The following PDE4B variants were observed in gnomAD, a reference collection of about 807,000 sequenced individuals.
The protein encoded by PDE4B is 3',5'-cyclic-AMP phosphodiesterase 4B.
A neutral mutation model predicts 82.2 loss-of-function variants in PDE4B; 20 were observed. The observed-to-expected ratio is 0.24, with a 90% confidence interval of 0.17 to 0.35. The LOEUF (loss-of-function observed/expected upper bound fraction) is 0.35. Ranked by LOEUF, PDE4B falls within the 10% of genes least tolerant of loss-of-function variation. The pLI is 1.00. For synonymous variants in PDE4B, 320 were observed against 318.9 expected (o/e 1.00, Z -0.04); for missense variants, 655 against 907.2 (o/e 0.72, Z 3.57).
At chr1:65,845,037 C>T (rs920959185) in intron 1 of PDE4B, among the ~76,000 whole-genome samples, 1 of 152,124 alleles carries the variant, frequency 6.6e-6, no homozygotes, top group South Asian at 2.1e-4. Flanking sequence ...GTTCTGCCCA[C>T]CCCCATCTGT....
intron 1 of PDE4B, among the ~76,000 whole-genome samples, chr1:65,845,768 T>C: frequency 6.6e-6 from 1 of 152,136 alleles, no homozygotes; most frequent in Non-Finnish European, 1.5e-5. Flanking sequence ...CCTGCACCCT[T>C]TATCTTTAAT....
intron 3 of PDE4B, among the ~76,000 whole-genome samples, chr1:66,228,003 T>C (rs932801900): frequency 1.3e-5 from 2 of 152,168 alleles, no homozygotes; most frequent in Admixed American, 1.3e-4. Context: ...GGTACCCCAC[T>C]CTCATTTCCT....
intron 3 of PDE4B, among the ~76,000 whole-genome samples, chr1:66,110,735 T>C (rs549550175): frequency 6.6e-6 from 1 of 152,120 alleles, no homozygotes; most frequent in Admixed American, 6.6e-5. Context: ...CGAGAATATA[T>C]ATAATGCGAT....
At chr1:66,011,106 T>C (rs971048718) in intron 3 of PDE4B, among the ~76,000 whole-genome samples, 1 of 151,938 alleles carries the variant, frequency 6.6e-6, no homozygotes, top group African/African-American at 2.4e-5. Flanking sequence ...GTTAATCCTT[T>C]TTATTGCTGA....
At chr1:65,896,657 T>C (rs1646913712) in intron 1 of PDE4B, among the ~76,000 whole-genome samples, 1 of 152,198 alleles carries the variant, frequency 6.6e-6, no homozygotes, top group South Asian at 2.1e-4. Context: ...GGCTGGATAG[T>C]AATTTGTCAG....
chr1:65,995,432 C>T (rs1378621673), intron 3 of PDE4B, among the ~76,000 whole-genome samples: 1 of 152,024 alleles, frequency 6.6e-6, no homozygotes. Context: ...CCCGGGGAAC[C>T]CCGATAAAGT....
chr1:66,320,980 T>C (rs1167909075), intron 7 of PDE4B, among the ~76,000 whole-genome samples: 2 of 152,140 alleles, frequency 1.3e-5, no homozygotes, highest in African/African-American at 4.8e-5. Context: ...TATTATACAA[T>C]CTATCTCAGC....
chr1:66,160,875 T>A (rs1296616564), intron 3 of PDE4B, among the ~76,000 whole-genome samples: 2 of 152,210 alleles, frequency 1.3e-5, no homozygotes, highest in Non-Finnish European at 2.9e-5. Context: ...CTATCAGACT[T>A]CATGATCATG....
rs931466482 is a variant in PDE4B at position 66,089,917 on chromosome 1, T to C, written c.282-157543T>C. ...TATCCACCTTATTTAAAATGCTTCA[T>C]TGGTCACACAAGATTTTATCTATTT... On this transcript the variant is annotated intron_variant, in intron 3 of 16. Transcript: ENST00000341517. Among the ~76,000 whole-genome samples the C allele has an allele frequency of 7.2e-5, 11 of 152,076 alleles. 1 individual carries two copies. The East Asian group carries it at 2.1e-3, about 29-fold the overall frequency.
intron 7 of PDE4B, among the ~76,000 whole-genome samples, chr1:66,268,433 G>C (rs961696415): frequency 1.3e-5 from 2 of 151,996 alleles, no homozygotes; most frequent in East Asian, 3.9e-4. Flanking sequence ...ACTTTGGGAG[G>C]CCAAAGCGGA....
chr1:66,050,646 C>G (rs571793565), intron 3 of PDE4B: 53 of 152,236 alleles, frequency 3.5e-4, no homozygotes, highest in African/African-American at 1.3e-3. Context: ...GCATACTTAA[C>G]AGGGCCAAGA....
intron 3 of PDE4B, among the ~76,000 whole-genome samples, chr1:65,964,520 G>A (rs12096433): frequency 0.062 from 9,479 of 152,268 alleles, 346 homozygotes; most frequent in Middle Eastern, 0.18. Context: ...AAAACTCTGT[G>A]TGTTTACAAT....
intron 3 of PDE4B, among the ~76,000 whole-genome samples, chr1:66,026,927 C>T (rs759400373): frequency 2.6e-5 from 4 of 152,220 alleles, no homozygotes; most frequent in Non-Finnish European, 5.9e-5. Context: ...TTCTACAATA[C>T]ATGGCTCAGT....
At chr1:65,907,259 A>G (rs1367877877) in intron 1 of PDE4B, among the ~76,000 whole-genome samples, 1 of 152,222 alleles carries the variant, frequency 6.6e-6, no homozygotes, top group Non-Finnish European at 1.5e-5. Flanking sequence ...AGAGAGCAGT[A>G]GATGCAAATT....
chr1:66,199,281 T>G (rs992656885), intron 3 of PDE4B, among the ~76,000 whole-genome samples: 1 of 151,768 alleles, frequency 6.6e-6, no homozygotes, highest in Non-Finnish European at 1.5e-5. Flanking sequence ...TGTTGTTTCC[T>G]GACTTTTTAA....
intron 1 of PDE4B, among the ~76,000 whole-genome samples, chr1:65,861,087 A>C (rs1395306290): frequency 6.6e-6 from 1 of 151,996 alleles, no homozygotes; most frequent in Non-Finnish European, 1.5e-5. Context: ...TTTTGTTGCA[A>C]TTGCTTTTGG....
At chr1:66,291,281 T>C (rs973838786) in intron 7 of PDE4B, among the ~76,000 whole-genome samples, 7 of 152,082 alleles carry the variant, frequency 4.6e-5, no homozygotes, top group Non-Finnish European at 2.9e-5. Context: ...AAATAATTTT[T>C]CTCAGACCAA....
intron 3 of PDE4B, among the ~76,000 whole-genome samples, chr1:66,045,104 T>G (rs929781053): frequency 6.6e-6 from 1 of 151,772 alleles, no homozygotes; most frequent in African/African-American, 2.4e-5. Context: ...TGCATGATCT[T>G]TGTCACGAGG....
chr1:65,895,109 G>T (rs994247022), intron 1 of PDE4B, among the ~76,000 whole-genome samples: 22 of 152,038 alleles, frequency 1.4e-4, no homozygotes, highest in African/African-American at 4.8e-4. Flanking sequence ...AACTTTATAA[G>T]GTGTGAGGGG....
Sources: allele counts gnomAD v4.1 joint callset (sites outside exome capture counted in the v4.1 genomes callset), GRCh38; gene constraint gnomAD v4.1.1; transcripts MANE v1.5; gene names NCBI Gene and HGNC (gene_info 2026-07-23, HGNC 2026-07-21).